The following MCM3 variants were observed in gnomAD, a reference collection of about 807,000 sequenced individuals.
MCM3 encodes minichromosome maintenance complex component 3.
A neutral mutation model predicts 91.3 loss-of-function variants in MCM3; 59 were observed. That is an observed-to-expected ratio of 0.65 (90% confidence interval 0.52 to 0.80). MCM3 has a LOEUF of 0.80. Ranked by LOEUF, MCM3 falls within the 30% of genes least tolerant of loss-of-function variation. The pLI, the probability that MCM3 is intolerant of heterozygous loss-of-function variation, is 0.00. For missense variants in MCM3, 919 were observed against 1,035.4 expected (o/e 0.89, Z 1.54); for synonymous variants, 383 against 379.6 (o/e 1.01, Z -0.10).
intron 9 of MCM3, 160 bp downstream of exon 9, chr6:52,276,107 AG>A (rs1211975645): frequency 3.1e-6 from 2 of 652,864 alleles, no homozygotes; most frequent in Non-Finnish European, 5.2e-6. Flanking sequence ...GGAATGGGTG[AG>A]GAACACTGCT....
At chr6:52,277,324 C>T (rs1195103294) in intron 7 of MCM3, 126 bp from the exon 8 acceptor site, 15 of 1,110,596 alleles carry the variant, frequency 1.4e-5, no homozygotes, top group East Asian at 2.6e-5. Flanking sequence ...ATTTTTCCTT[C>T]GCTTTTCCCT....
At chr6:52,265,540 A>AT (rs1167810639) in intron 16 of MCM3, among the ~76,000 whole-genome samples, 1 of 152,060 alleles carries the variant, frequency 6.6e-6, no homozygotes, top group Admixed American at 6.6e-5. Context: ...ATTGATTTTA[A>AT]TTTTTTTTCT....
rs748963492 is a variant in MCM3 at position 52,277,541 on chromosome 6, G to T, written c.1027C>A (p.Leu343Ile). ...CAAATCCCCAACATCGTACCTATTAGAAGAATATTGATGTCCCCACGGATG... is the reference window on the plus strand; with the variant it reads ...CAAATCCCCAACATCGTACCTATTATAAGAATATTGATGTCCCCACGGATG... ...SHIRGDINIL[L>I]IGDPSVAKSQ... The change falls in exon 7 of 17, where the codon CTA becomes ATA. Residue 343 changes from leucine (L) to isoleucine (I), a missense_variant. By Grantham distance (5) the Leu-to-Ile change is conservative. This residue lies in a region of MCM3 where 233 missense variants were observed against 321.2 expected (regional missense o/e 0.73). Transcript: ENST00000596288. The T allele has an allele frequency of 6.2e-6, 10 of 1,613,110 alleles. No homozygotes were observed. In the African/African-American group the frequency reaches 1.3e-4, roughly 22 times the overall value.
intron 12 of MCM3, 144 bp downstream of exon 12, chr6:52,272,157 T>A: frequency 1.4e-6 from 1 of 719,408 alleles, no homozygotes; most frequent in Non-Finnish European, 2.1e-6. Context: ...TAAAAGGAAA[T>A]GATTAAAATT....
chr6:52,265,248 C>T, intron 16 of MCM3: 2 of 425,154 alleles, frequency 4.7e-6, no homozygotes, highest in Admixed American at 2.9e-5. Context: ...GGAAACCCTG[C>T]AGTCATTAAA....
chr6:52,269,577 T>C (rs1764923337), intron 12 of MCM3, among the ~76,000 whole-genome samples: 2 of 152,208 alleles, frequency 1.3e-5, no homozygotes, highest in African/African-American at 2.4e-5. Context: ...ATACATTCTG[T>C]CATTTCACCC....
intron 15 of MCM3, 126 bp downstream of exon 15, chr6:52,266,485 G>A: frequency 1.2e-6 from 1 of 843,678 alleles, no homozygotes; most frequent in Non-Finnish European, 1.9e-6. Flanking sequence ...CAAACCTCTT[G>A]GACATAGGCC....
chr6:52,272,006 T>C (rs919257989), intron 12 of MCM3, among the ~76,000 whole-genome samples: 4 of 152,198 alleles, frequency 2.6e-5, no homozygotes, highest in Admixed American at 2.6e-4. Context: ...TAATTTTACA[T>C]TGCTTGTAAG....
intron 4 of MCM3, among the ~76,000 whole-genome samples, chr6:52,280,792 G>A (rs928637053): frequency 1.3e-5 from 2 of 152,214 alleles, no homozygotes; most frequent in African/African-American, 4.8e-5. Context: ...AAGAGACACA[G>A]GTCCTAGTCC....
intron 1 of MCM3, among the ~76,000 whole-genome samples, chr6:52,284,130 C>T (rs1388485678): frequency 6.6e-6 from 1 of 152,204 alleles, no homozygotes; most frequent in Non-Finnish European, 1.5e-5. Context: ...CACTTTTTAT[C>T]TGCATCTTAG....
chr6:52,276,584 G>T, intron 8 of MCM3, 108 bp from the exon 9 acceptor site: 1 of 940,750 alleles, frequency 1.1e-6, no homozygotes, highest in Non-Finnish European at 1.6e-6. Context: ...ACGTGAGAAT[G>T]CGGCAATGGT....
intron 2 of MCM3, 60 bp from the exon 3 acceptor site, chr6:52,282,921 C>A: frequency 8.4e-7 from 1 of 1,186,600 alleles, no homozygotes; most frequent in South Asian, 1.3e-5. Context: ...AATGGATCCT[C>A]AAAACAGCAG....
chr6:52,264,822 A>G (rs1248611056), intron 16 of MCM3, 36 bp from the exon 17 acceptor site: 1 of 1,582,970 alleles, frequency 6.3e-7, no homozygotes, highest in Non-Finnish European at 8.7e-7. Flanking sequence ...AGAGGAGTAA[A>G]CAAACCCAAA....
At chr6:52,279,629 G>A in intron 4 of MCM3, 30 bp from the exon 5 acceptor site, 2 of 1,500,848 alleles carry the variant, frequency 1.3e-6, no homozygotes, top group Non-Finnish European at 1.8e-6. Context: ...GGGACAGAGT[G>A]ATCTCCGTCC....
chr6:52,284,281 A>G (rs893772539), intron 1 of MCM3, among the ~76,000 whole-genome samples: 1 of 152,180 alleles, frequency 6.6e-6, no homozygotes, highest in African/African-American at 2.4e-5. Flanking sequence ...TCCTCAAATC[A>G]AGAGAGAGCA....
chr6:52,280,317 G>A (rs1231765166), intron 4 of MCM3, among the ~76,000 whole-genome samples: 3 of 152,190 alleles, frequency 2.0e-5, no homozygotes, highest in African/African-American at 7.2e-5. Context: ...TTTCCTGTAC[G>A]TATATTAAAG....
intron 12 of MCM3, among the ~76,000 whole-genome samples, chr6:52,270,770 AAAGT>A (rs1300515671): frequency 1.3e-5 from 2 of 152,220 alleles, no homozygotes; most frequent in African/African-American, 4.8e-5. Context: ...AGTTAAAAAG[AAAGT>A]AAGCTGTTTA....
chr6:52,270,501 A>G (rs1408416443), intron 12 of MCM3, among the ~76,000 whole-genome samples: 1 of 152,184 alleles, frequency 6.6e-6, no homozygotes, highest in African/African-American at 2.4e-5. Context: ...TCACATTTAA[A>G]TTCATTCATC....
At position 52,266,557 on chromosome 6, in the gene MCM3, A is replaced by G. The variant is rs1764657648; in HGVS notation, c.2158+54T>C. The G allele has an allele frequency of 2.0e-6, 3 of 1,511,960 alleles. No individual in the cohort carries two copies. In the East Asian group the frequency reaches 6.8e-5, roughly 34 times the overall value. 93.7% of individuals were successfully genotyped at this position (1,511,960 alleles called of 1,614,324 possible). ...AAATAAAGTGCACAGAGCAACTGGA[A>G]AAGTCCAAGAGTCACAGGAACAACC... On this transcript the variant is annotated intron_variant, in intron 15 of 16. Coordinates refer to ENST00000596288, the MANE Select transcript of MCM3 (RefSeq NM_002388.6).
Sources: allele counts gnomAD v4.1 joint callset (sites outside exome capture counted in the v4.1 genomes callset), GRCh38; gene constraint gnomAD v4.1.1; regional missense constraint gnomAD v4.1.1; transcripts MANE v1.5; gene names NCBI Gene and HGNC (gene_info 2026-07-23, HGNC 2026-07-21).